Variants in CEP170 observed in about 807,000 individuals in gnomAD.
CEP170 encodes centrosomal protein of 170 kDa.
Under a neutral mutation model 151.9 loss-of-function variants are expected in CEP170, and 21 were observed. The ratio of observed to expected loss-of-function variants is 0.14; its 90% CI spans 0.10 to 0.20. The LOEUF (loss-of-function observed/expected upper bound fraction) is 0.20. CEP170 is among the 10% of genes least tolerant of loss of function. CEP170 has a pLI of 1.00. For missense variants in CEP170, 964 were observed against 1,892.9 expected, an observed-to-expected ratio of 0.51 and a Z score of 9.11; for synonymous variants, 356 against 648.8, an observed-to-expected ratio of 0.55 and a Z score of 6.86.
chr1:243,135,897 T>A (rs924311824), intron 17 of CEP170: 3 of 260,694 alleles, frequency 1.2e-5, no homozygotes, highest in Non-Finnish European at 2.3e-5. Flanking sequence ...ATTTTAATTA[T>A]AGGAATCAGA....
intron 10 of CEP170, among the ~76,000 whole-genome samples, chr1:243,184,137 A>T (rs920146517): frequency 5.9e-5 from 9 of 152,108 alleles, no homozygotes; most frequent in Non-Finnish European, 1.0e-4. Flanking sequence ...CAACACTTAT[A>T]AAGCAATATA....
At chr1:243,176,024 C>T (rs966795694) in intron 10 of CEP170, among the ~76,000 whole-genome samples, 1 of 152,156 alleles carries the variant, frequency 6.6e-6, no homozygotes, top group African/African-American at 2.4e-5. Flanking sequence ...TCTCCATCTC[C>T]TGACCTCATC....
chr1:243,148,450 C>T (rs1377611709), intron 14 of CEP170, among the ~76,000 whole-genome samples: 6 of 151,628 alleles, frequency 4.0e-5, no homozygotes, highest in Non-Finnish European at 8.8e-5. Context: ...GGTGTACACC[C>T]GTAATCCCAG....
chr1:243,150,661 G>A (rs192468233), intron 14 of CEP170, among the ~76,000 whole-genome samples: 868 of 81,772 alleles, frequency 0.011, 8 homozygotes, highest in African/African-American at 0.039. Context: ...AATTATATCT[G>A]GATTCTCATA....
intron 16 of CEP170, among the ~76,000 whole-genome samples, chr1:243,137,644 G>A (rs2055267395): frequency 6.6e-6 from 1 of 152,080 alleles, no homozygotes; most frequent in Non-Finnish European, 1.5e-5. Context: ...GCGTGCTGGT[G>A]CGTGCCTGTA....
chr1:243,190,885 T>C, intron 8 of CEP170, 133 bp downstream of exon 8: 1 of 1,385,226 alleles, frequency 7.2e-7, no homozygotes, highest in Non-Finnish European at 9.5e-7. Context: ...CTGTTTAGTT[T>C]TAAGACTAAA....
At chr1:243,170,096 G>T (rs2058721270) in intron 11 of CEP170, among the ~76,000 whole-genome samples, 1 of 152,144 alleles carries the variant, frequency 6.6e-6, no homozygotes, top group African/African-American at 2.4e-5. Context: ...TATTAAGAGT[G>T]TCAGATTTGG....
At chr1:243,191,902 G>T (rs10926961) in intron 7 of CEP170, among the ~76,000 whole-genome samples, 1 of 151,976 alleles carries the variant, frequency 6.6e-6, no homozygotes, top group East Asian at 1.9e-4. Context: ...TTCTCAAGTC[G>T]CCAAGATGAG....
At chr1:243,213,057 T>C (rs2061957932) in intron 3 of CEP170, among the ~76,000 whole-genome samples, 1 of 152,162 alleles carries the variant, frequency 6.6e-6, no homozygotes, top group Admixed American at 6.5e-5. Flanking sequence ...ATATCCAAAA[T>C]AGTACCGTTT....
At chr1:243,216,028 G>A (rs2148943981) in intron 3 of CEP170, among the ~76,000 whole-genome samples, 1 of 151,536 alleles carries the variant, frequency 6.6e-6, no homozygotes, top group African/African-American at 2.4e-5. Context: ...GATGGTAAAT[G>A]GTGATGACTA....
At chr1:243,223,394 G>A (rs1247276992) in intron 2 of CEP170, among the ~76,000 whole-genome samples, 1 of 152,204 alleles carries the variant, frequency 6.6e-6, no homozygotes, top group African/African-American at 2.4e-5. Flanking sequence ...GGCTACTCAT[G>A]GAGCCAGAGA....
chr1:243,249,031 A>G (rs539792250), intron 1 of CEP170, among the ~76,000 whole-genome samples: 157 of 151,904 alleles, frequency 1.0e-3, no homozygotes, highest in African/African-American at 3.7e-3. Context: ...TTCCCTAACC[A>G]CTCTAAGATA....
At chr1:243,186,647 C>T (rs2059955456) in intron 8 of CEP170, 1 of 501,386 alleles carries the variant, frequency 2.0e-6, no homozygotes, top group African/African-American at 1.9e-5. Flanking sequence ...ATAGGATCGC[C>T]TTTCTCCAAA....
chr1:243,159,398 TC>T (rs2148491163), intron 13 of CEP170, among the ~76,000 whole-genome samples: 1 of 152,310 alleles, frequency 6.6e-6, no homozygotes, highest in South Asian at 2.1e-4. Context: ...TGCTAGGCCC[TC>T]TAACCTGTTA....
intron 7 of CEP170, among the ~76,000 whole-genome samples, chr1:243,196,921 T>C (rs1354723156): frequency 6.6e-6 from 1 of 152,068 alleles, no homozygotes; most frequent in Non-Finnish European, 1.5e-5. Context: ...CAGGCAGGAA[T>C]TAGCATAATT....
At chr1:243,255,305 C>A, upstream of CEP170, 1 of 153,060 alleles carries the variant, frequency 6.5e-6, no homozygotes, top group Non-Finnish European at 1.5e-5. Context: ...ACCCTATCCC[C>A]TCCTGCCCAG....
At chr1:243,250,275 T>G (rs2149198468) in intron 1 of CEP170, among the ~76,000 whole-genome samples, 1 of 152,346 alleles carries the variant, frequency 6.6e-6, no homozygotes, top group South Asian at 2.1e-4. Flanking sequence ...GAGTTTGGCT[T>G]GTTGAATTTA....
intron 3 of CEP170, among the ~76,000 whole-genome samples, chr1:243,220,126 G>A (rs1350110155): frequency 6.6e-6 from 1 of 152,036 alleles, no homozygotes; most frequent in East Asian, 1.9e-4. Flanking sequence ...CTAAGTAAAC[G>A]GGCCTTTGTT....
Position 243,186,275 on chromosome 1 carries a change from T to C in CEP170, c.1256A>G (p.His419Arg), listed in dbSNP as rs1343322926. 1.2e-6 allele frequency: 2 copies of C among 1,613,806 alleles called. No individual in the cohort carries two copies. The highest frequency in any genetic ancestry group is 1.7e-6 in the Non-Finnish European group (2 of 1,179,708). The part of the protein sequence containing the change: ...KLQKVQATEK[H>R]QDQAVTSSAH... ...TTGACTTACAACAGCTTGGTCTTGA[T>C]GCTTTTCAGTAGCCTGGACCTTCTG... Residue 419 changes from histidine (H) to arginine (R), a missense_variant, in exon 9 of 20, where the codon CAT becomes CGT. By Grantham distance (29) the His-to-Arg change is conservative. Coordinates refer to ENST00000366542, the MANE Select transcript of CEP170 (RefSeq NM_014812.3).
Sources: gnomAD v4.1 joint callset for allele counts (sites outside exome capture counted in the v4.1 genomes callset) on GRCh38, gnomAD v4.1.1 for gene constraint, MANE v1.5 for transcripts, NCBI Gene and HGNC (gene_info 2026-07-23, HGNC 2026-07-21) for gene names.